Variants in TENM4 observed in about 807,000 individuals in gnomAD.
TENM4 encodes the protein teneurin-4.
TENM4 carries 82 observed loss-of-function variants against 243.3 expected under a neutral mutation model. That is an observed-to-expected ratio of 0.34 (90% CI 0.28 to 0.40). The LOEUF (loss-of-function observed/expected upper bound fraction) is 0.40, where lower values mean the gene tolerates loss of function less well. Among genes scored for constraint, TENM4 ranks in the 10% least tolerant of loss-of-function variants. TENM4 has a pLI of 1.00. For missense variants in TENM4, 3,138 were observed against 3,673.3 expected, an observed-to-expected ratio of 0.85 and a Z score of 3.77; for synonymous variants, 1,412 against 1,456.3, an observed-to-expected ratio of 0.97 and a Z score of 0.69.
chr11:79,070,038 G>C, intron 4 of TENM4, 29 bp from the exon 5 acceptor site: 1 of 1,475,376 alleles, frequency 6.8e-7, no homozygotes, highest in South Asian at 1.4e-5. Context: ...AAGATAGGGC[G>C]TGAGAGGCAG....
At chr11:78,722,198 C>T (rs1249960638) in intron 24 of TENM4, among the ~76,000 whole-genome samples, 1 of 152,136 alleles carries the variant, frequency 6.6e-6, no homozygotes, top group Non-Finnish European at 1.5e-5. Flanking sequence ...TATTTTTTTG[C>T]AGATGGGGGT....
intron 4 of TENM4, among the ~76,000 whole-genome samples, chr11:79,115,606 A>G (rs573304905): frequency 2.0e-5 from 3 of 152,162 alleles, no homozygotes; most frequent in Non-Finnish European, 2.9e-5. Flanking sequence ...TGAGTATCCA[A>G]CTGTCTTTAT....
At chr11:78,944,034 T>C (rs1856960290) in intron 6 of TENM4, among the ~76,000 whole-genome samples, 1 of 152,208 alleles carries the variant, frequency 6.6e-6, no homozygotes, top group South Asian at 2.1e-4. Flanking sequence ...ACAGAGGCCA[T>C]ATGACAGGCT....
chr11:79,278,475 C>A (rs1320431375), intron 2 of TENM4, among the ~76,000 whole-genome samples: 1 of 152,128 alleles, frequency 6.6e-6, no homozygotes, highest in Non-Finnish European at 1.5e-5. Context: ...GGAGGAAAGA[C>A]CTGGGCCTGC....
At chr11:79,217,291 T>G (rs1864069768) in intron 2 of TENM4, among the ~76,000 whole-genome samples, 1 of 152,152 alleles carries the variant, frequency 6.6e-6, no homozygotes, top group Non-Finnish European at 1.5e-5. Context: ...AAGGTCCCTG[T>G]ACTTTTCCTG....
At chr11:79,407,815 G>C (rs568681102) in intron 1 of TENM4, among the ~76,000 whole-genome samples, 1 of 152,130 alleles carries the variant, frequency 6.6e-6, no homozygotes, top group Non-Finnish European at 1.5e-5. Context: ...CTGGAGGGCT[G>C]GTTAACAGGA....
At chr11:79,226,514 G>C (rs1017872021) in intron 2 of TENM4, among the ~76,000 whole-genome samples, 1 of 152,222 alleles carries the variant, frequency 6.6e-6, no homozygotes, top group South Asian at 2.1e-4. Flanking sequence ...CTGGATAACA[G>C]GGTATGGCTT....
chr11:78,891,448 G>A (rs570898203), intron 7 of TENM4, 112 bp from the exon 8 acceptor site: 60 of 941,320 alleles, frequency 6.4e-5, no homozygotes, highest in South Asian at 2.1e-4. Flanking sequence ...TAAGACCAGC[G>A]GGACACGGTT....
At chr11:78,714,396 G>A (rs1859474373) in intron 25 of TENM4, among the ~76,000 whole-genome samples, 3 of 140,064 alleles carry the variant, frequency 2.1e-5, no homozygotes, top group Admixed American at 1.4e-4. Context: ...AAGGGGCCAG[G>A]CATCCAGATC....
chr11:78,768,463 T>C (rs1273120981), intron 18 of TENM4, among the ~76,000 whole-genome samples: 1 of 152,224 alleles, frequency 6.6e-6, no homozygotes, highest in Admixed American at 6.5e-5. Flanking sequence ...ATCCTGGCAA[T>C]TGTCCCACTG....
chr11:78,669,734 G>C lies in TENM4; in HGVS notation c.6611C>G (p.Thr2204Arg). The C allele has an allele frequency of 6.2e-7, 1 of 1,614,022 alleles. No homozygotes were observed. Among genetic ancestry groups the C allele is most frequent in the Non-Finnish European group, 8.5e-7 (1 of 1,179,896 alleles). ...YEYDADGQLQ[T>R]VSINDKPLWR... is the part of the protein sequence containing the mutation. Reference sequence around the variant, plus strand: ...GAGTGGCTTGTCATTGATGGAGACTGTCTGCAGCTGGCCGTCAGCATCATA... The same window carrying C: ...GAGTGGCTTGTCATTGATGGAGACTCTCTGCAGCTGGCCGTCAGCATCATA... Residue 2204 changes from threonine to arginine, a missense_variant, in exon 32 of 34, where the codon ACA (threonine) becomes AGA (arginine). By Grantham distance (71) the Thr-to-Arg change is moderately conservative. Coordinates refer to ENST00000278550, the MANE Select transcript of TENM4 (RefSeq NM_001098816.3). This position sits in a 1 kb window ranked among gnomAD's most constrained non-coding sequence, Gnocchi z 6.4.
intron 4 of TENM4, chr11:79,097,979 T>C (rs563403620): frequency 2.6e-5 from 4 of 152,066 alleles, no homozygotes; most frequent in South Asian, 4.2e-4. Context: ...CAAAAAACGA[T>C]AGTGGCCCAA....
chr11:79,279,756 G>A (rs1292207756), intron 2 of TENM4, among the ~76,000 whole-genome samples: 4 of 152,116 alleles, frequency 2.6e-5, no homozygotes, highest in Non-Finnish European at 4.4e-5. Context: ...TTTCTGTCTG[G>A]TGAGCTCTTT....
intron 1 of TENM4, among the ~76,000 whole-genome samples, chr11:79,340,605 A>C (rs1036456896): frequency 6.6e-6 from 1 of 151,740 alleles, no homozygotes; most frequent in African/African-American, 2.4e-5. Context: ...CCCGCCCATC[A>C]TTCCTTCTCT....
intron 1 of TENM4, among the ~76,000 whole-genome samples, chr11:79,387,084 C>T (rs942722309): frequency 3.9e-5 from 6 of 152,220 alleles, no homozygotes; most frequent in African/African-American, 1.2e-4. Context: ...GAATAAACTC[C>T]GACTCTATGG....
intron 19 of TENM4, among the ~76,000 whole-genome samples, chr11:78,749,816 G>A (rs935326142): frequency 2.6e-5 from 4 of 152,160 alleles, no homozygotes; most frequent in African/African-American, 9.7e-5. Flanking sequence ...GGTCCTGATT[G>A]AGATGAAATG....
At chr11:79,058,354 TAACACAGTGA>T (rs1280605653) in intron 6 of TENM4, among the ~76,000 whole-genome samples, 9 of 151,984 alleles carry the variant, frequency 5.9e-5, no homozygotes, top group African/African-American at 1.7e-4. Context: ...CCATCCTGGC[TAACACAGTGA>T]AACCCTGTCT....
At chr11:79,018,753 T>G (rs1456963339) in intron 6 of TENM4, among the ~76,000 whole-genome samples, 1 of 152,244 alleles carries the variant, frequency 6.6e-6, no homozygotes, top group African/African-American at 2.4e-5. Flanking sequence ...TGGAAGTGAT[T>G]CACTCTGGCC....
At chr11:79,290,246 C>G (rs558655379) in intron 2 of TENM4, among the ~76,000 whole-genome samples, 18 of 152,318 alleles carry the variant, frequency 1.2e-4, no homozygotes, top group East Asian at 3.9e-4. Context: ...CATTTTAGAT[C>G]AAAGGTGTCA....
Sources: gnomAD v4.1 joint callset for allele counts (sites outside exome capture counted in the v4.1 genomes callset) on GRCh38, gnomAD v4.1.1 for gene constraint, Gnocchi (gnomAD v3.1) non-coding constraint, MANE v1.5 for transcripts, NCBI Gene and HGNC (gene_info 2026-07-23, HGNC 2026-07-21) for gene names.